The following ZNF804A variants were observed in gnomAD, a reference collection of about 807,000 sequenced individuals.
The protein encoded by ZNF804A is zinc finger protein 804A.
ZNF804A carries 2 observed loss-of-function variants against 16.5 expected under a neutral mutation model. The observed-to-expected ratio is 0.12, with a 90% CI of 0.05 to 0.38. ZNF804A has a LOEUF of 0.38. Ranked by LOEUF, ZNF804A falls within the 10% of genes least tolerant of loss-of-function variation. ZNF804A has a pLI of 0.99. For missense variants in ZNF804A, 1,473 were observed against 1,390.7 expected, an observed-to-expected ratio of 1.06 and a Z score of -0.94; for synonymous variants, 534 against 489.6, an observed-to-expected ratio of 1.09 and a Z score of -1.20.
intron 1 of ZNF804A, among the ~76,000 whole-genome samples, chr2:184,612,459 A>C (rs904258108): frequency 8.6e-6 from 1 of 116,586 alleles, no homozygotes; most frequent in East Asian, 2.2e-4. Flanking sequence ...TGGGGGGGGG[A>C]CGGAGTCTTG....
intron 1 of ZNF804A, among the ~76,000 whole-genome samples, chr2:184,742,432 G>A (rs1693721888): frequency 6.6e-6 from 1 of 151,878 alleles, no homozygotes; most frequent in South Asian, 2.1e-4. Flanking sequence ...ATGGGTATTT[G>A]CAAAGAGTAA....
intron 2 of ZNF804A, among the ~76,000 whole-genome samples, chr2:184,901,154 A>G (rs1177895358): frequency 3.3e-5 from 5 of 152,140 alleles, no homozygotes; most frequent in Non-Finnish European, 5.9e-5. Flanking sequence ...TTATAAAACT[A>G]TCTTAATACC....
intron 1 of ZNF804A, among the ~76,000 whole-genome samples, chr2:184,760,945 A>C (rs183387393): frequency 5.9e-5 from 9 of 152,256 alleles, no homozygotes; most frequent in Admixed American, 1.3e-4. Context: ...GGCACATGGC[A>C]TATCTAACTG....
chr2:184,601,193 A>C (rs1691038463), intron 1 of ZNF804A, among the ~76,000 whole-genome samples: 2 of 152,184 alleles, frequency 1.3e-5, no homozygotes, highest in East Asian at 3.9e-4. Context: ...TTCATCTACT[A>C]TATGTGCTTT....
At chr2:184,683,973 A>C (rs1221152026) in intron 1 of ZNF804A, among the ~76,000 whole-genome samples, 1 of 152,012 alleles carries the variant, frequency 6.6e-6, no homozygotes. Flanking sequence ...TTATTTGGTA[A>C]CCTTTTATTG....
At chr2:184,892,016 A>T (rs1684991116) in intron 2 of ZNF804A, among the ~76,000 whole-genome samples, 1 of 152,188 alleles carries the variant, frequency 6.6e-6, no homozygotes, top group Admixed American at 6.5e-5. Context: ...AAGGAGAAAA[A>T]CAAAAGACCT....
chr2:184,618,821 T>A (rs1002651587), intron 1 of ZNF804A, among the ~76,000 whole-genome samples: 7 of 152,130 alleles, frequency 4.6e-5, no homozygotes, highest in African/African-American at 1.7e-4. Flanking sequence ...AGGAATAAGA[T>A]AAGCAAAGCT....
chr2:184,857,138 G>T (rs73043275), intron 1 of ZNF804A, among the ~76,000 whole-genome samples: 384 of 151,600 alleles, frequency 2.5e-3, no homozygotes, highest in African/African-American at 8.7e-3. Context: ...GATTGCTTTC[G>T]TTGCATTCCT....
intron 1 of ZNF804A, among the ~76,000 whole-genome samples, chr2:184,742,695 G>C (rs1484117250): frequency 6.7e-6 from 1 of 150,250 alleles, no homozygotes; most frequent in East Asian, 1.9e-4. Context: ...TTAGGTTCTA[G>C]GATTCTGGTG....
At chr2:184,786,048 A>G (rs1351441343) in intron 1 of ZNF804A, among the ~76,000 whole-genome samples, 2 of 152,056 alleles carry the variant, frequency 1.3e-5, no homozygotes, top group Non-Finnish European at 2.9e-5. Context: ...GAAAATCAGT[A>G]ATAATATGGA....
chr2:184,648,854 C>G (rs1372294644), intron 1 of ZNF804A, among the ~76,000 whole-genome samples: 2 of 152,082 alleles, frequency 1.3e-5, no homozygotes, highest in African/African-American at 4.8e-5. Context: ...TTTTAGCACC[C>G]AGTGTCAGCA....
chr2:184,636,450 T>TGA (rs1691698950), intron 1 of ZNF804A, among the ~76,000 whole-genome samples: 1 of 137,228 alleles, frequency 7.3e-6, no homozygotes, highest in Admixed American at 7.2e-5. Flanking sequence ...TGTGTGTGTG[T>TGA]GTGAGAGAGA....
intron 1 of ZNF804A, among the ~76,000 whole-genome samples, chr2:184,802,012 G>A (rs534991553): frequency 7.9e-5 from 12 of 152,100 alleles, no homozygotes; most frequent in South Asian, 2.1e-4. Context: ...CCTGTTGTCC[G>A]GGGGCTTGCT....
At chr2:184,898,342 G>C (rs1685121665) in intron 2 of ZNF804A, among the ~76,000 whole-genome samples, 1 of 152,090 alleles carries the variant, frequency 6.6e-6, no homozygotes, top group Non-Finnish European at 1.5e-5. Context: ...GTGAAGAAAA[G>C]AGTGTTTTTA....
chr2:184,870,822 T>G (rs571345963), intron 2 of ZNF804A, among the ~76,000 whole-genome samples: 44 of 152,106 alleles, frequency 2.9e-4, no homozygotes, highest in Admixed American at 5.2e-4. Flanking sequence ...ATGGTGTGAC[T>G]GTTACAAGAT....
chr2:184,709,504 G>A (rs1427561774), intron 1 of ZNF804A, among the ~76,000 whole-genome samples: 3 of 151,754 alleles, frequency 2.0e-5, no homozygotes, highest in Admixed American at 2.0e-4. Context: ...AGTTTAAGAA[G>A]GCTGATATTT....
chr2:184,832,444 C>T (rs1695278419), intron 1 of ZNF804A, among the ~76,000 whole-genome samples: 1 of 151,926 alleles, frequency 6.6e-6, no homozygotes, highest in Admixed American at 6.6e-5. Context: ...TAAGGTGTCA[C>T]AAATTATTTG....
intron 1 of ZNF804A, among the ~76,000 whole-genome samples, chr2:184,711,600 C>T (rs1553530064): frequency 6.6e-6 from 1 of 151,536 alleles, no homozygotes; most frequent in Non-Finnish European, 1.5e-5. Flanking sequence ...ATGAATCTCT[C>T]CTTCTATGTT....
At chr2:184,602,033 T>C (rs879579148) in intron 1 of ZNF804A, among the ~76,000 whole-genome samples, 2 of 151,980 alleles carry the variant, frequency 1.3e-5, no homozygotes, top group Non-Finnish European at 2.9e-5. Context: ...ATTAATTGCT[T>C]TAATCCTAAA....
Sources: gnomAD v4.1 joint callset for allele counts (sites outside exome capture counted in the v4.1 genomes callset) on GRCh38, gnomAD v4.1.1 for gene constraint, MANE v1.5 for transcripts, NCBI Gene and HGNC (gene_info 2026-07-23, HGNC 2026-07-21) for gene names.